XDH: variants seen among roughly 807,000 people sequenced by gnomAD.
XDH encodes the protein xanthine dehydrogenase/oxidase.
Under a neutral mutation model 156.1 loss-of-function variants are expected in XDH, and 138 were observed. That is an observed-to-expected ratio of 0.88 (90% CI 0.77 to 1.02). XDH has a LOEUF of 1.02. XDH is among the 50% of genes least tolerant of loss of function. XDH has a pLI of 0.00. For synonymous variants in XDH, 669 were observed against 625.7 expected, an observed-to-expected ratio of 1.07 and a Z score of -1.03; for missense variants, 1,849 against 1,684.9, an observed-to-expected ratio of 1.10 and a Z score of -1.71.
chr2:31,397,271 G>C (rs2148002827), intron 6 of XDH, among the ~76,000 whole-genome samples: 1 of 152,326 alleles, frequency 6.6e-6, no homozygotes, highest in Non-Finnish European at 1.5e-5. Context: ...GAGGGAAGGA[G>C]GAGGGGTGCA....
At chr2:31,381,478 C>T (rs1686434939) in intron 12 of XDH, among the ~76,000 whole-genome samples, 155 bp downstream of exon 12, 1 of 152,174 alleles carries the variant, frequency 6.6e-6, no homozygotes, top group Non-Finnish European at 1.5e-5. Context: ...TCCCGTCCAC[C>T]AAACCAGGTA....
At chr2:31,407,181 C>G (rs1687215737) in intron 1 of XDH, among the ~76,000 whole-genome samples, 1 of 152,170 alleles carries the variant, frequency 6.6e-6, no homozygotes, top group Non-Finnish European at 1.5e-5. Context: ...AGGGAGCTTG[C>G]TTTGTGCTAC....
At chr2:31,350,368 CTTTTTTTTTT>C (rs35646405) in intron 24 of XDH, 145 bp from the exon 25 acceptor site, 9 of 259,934 alleles carry the variant, frequency 3.5e-5, no homozygotes, top group Non-Finnish European at 6.0e-5. Flanking sequence ...GCAGCAGCAT[CTTTTTTTTTT>C]TTTTTTTTTT....
chr2:31,371,688 A>C (rs1333968697), intron 17 of XDH, among the ~76,000 whole-genome samples: 1 of 151,702 alleles, frequency 6.6e-6, no homozygotes, highest in Non-Finnish European at 1.5e-5. Context: ...TTTTGTTTTC[A>C]GGGACCTGGA....
At chr2:31,373,983 C>T in intron 15 of XDH, 27 bp from the exon 16 acceptor site, 1 of 1,601,646 alleles carries the variant, frequency 6.2e-7, no homozygotes. Context: ...ACAGAGGTGA[C>T]CAGGATTATA....
rs1190535705 is a variant in XDH, at chr2:31,368,598, T to A, written c.2043A>T (p.Arg681Ser). ...AGGTGATTTTCACCCCTTGGGCAGC[T>A]CTCTGTGTGTGTTCCGGGGTGTCAG... Reference protein sequence around the residue: ...VVADTPEHTQRAAQGVKITYE... With the variant: ...VVADTPEHTQSAAQGVKITYE... Residue 681 changes from arginine to serine, a missense_variant, in exon 19 of 36, where the codon AGA becomes AGT. Arg to Ser is a moderately radical substitution (Grantham distance 110). Transcript: ENST00000379416. 5 of 1,614,166 alleles carry A rather than the reference T, an allele frequency of 3.1e-6. No individual in the cohort carries two copies. The highest frequency in any genetic ancestry group is 4.2e-6 in the Non-Finnish European group (5 of 1,180,008).
Position 31,349,807 on chromosome 2 carries a change from C to A in XDH, c.2848G>T (p.Glu950Ter), listed in dbSNP as rs1464944452. The stretch of plus-strand genomic sequence containing the variant: ...TGGTTGAAGTGTGTCAGGTCCCCTT[C>A]TTTGTACAGGTTTTTTCTCCGCACC... ...EEVRRKNLYK[E>*]GDLTHFNQKL... is the part of the protein sequence containing the mutation. The change falls in exon 26 of 36, where the codon GAA becomes TAA. Residue 950 changes from glutamate to a stop codon, truncating the protein, a stop_gained. Coordinates refer to ENST00000379416, the MANE Select transcript of XDH (RefSeq NM_000379.4). LOFTEE classifies it high-confidence loss of function. 1 of 1,614,026 alleles carries A rather than the reference C, an allele frequency of 6.2e-7. No individual in the cohort carries two copies. Among genetic ancestry groups the A allele is most frequent in the Non-Finnish European group, 8.5e-7 (1 of 1,180,044 alleles).
intron 14 of XDH, among the ~76,000 whole-genome samples, chr2:31,376,232 T>C (rs1261766216): frequency 6.6e-6 from 1 of 151,040 alleles, no homozygotes; most frequent in African/African-American, 2.4e-5. Flanking sequence ...GTTGCAGTAG[T>C]GGTAACAAGA....
chr2:31,369,039 G>C (rs45514101), intron 18 of XDH, among the ~76,000 whole-genome samples: 1 of 152,124 alleles, frequency 6.6e-6, no homozygotes, highest in Admixed American at 6.6e-5. Context: ...AGAAGGCAAG[G>C]CCACATTTGG....
chr2:31,349,043 G>C, intron 26 of XDH, 63 bp from the exon 27 acceptor site: 2 of 1,479,584 alleles, frequency 1.4e-6, no homozygotes, highest in Middle Eastern at 1.9e-4. Flanking sequence ...GAATATCTTT[G>C]GATGTTCACA....
rs759867295 is a variant in XDH, at chr2:31,401,337, C to T, written c.198-9G>A. On this transcript the variant is annotated splice_polypyrimidine_tract_variant and intron_variant, in intron 3 of 35. Transcript: ENST00000379416. ...CATTGGCAGAAAAGTGGCTAGAACC[C>T]CAGATTAAGGTCATTCCATTTATTG... 1 of 1,613,750 alleles carries T rather than the reference C, an allele frequency of 6.2e-7. No homozygotes were observed. Among genetic ancestry groups the T allele is most frequent in the Non-Finnish European group, 8.5e-7 (1 of 1,179,906 alleles).
At chr2:31,411,050 C>T (rs571957268) in intron 1 of XDH, among the ~76,000 whole-genome samples, 4 of 151,948 alleles carry the variant, frequency 2.6e-5, no homozygotes, top group African/African-American at 7.2e-5. Flanking sequence ...TTTGGGAGGC[C>T]GAGGTGGGTG....
chr2:31,346,935 A>T (rs967810792), intron 29 of XDH, 92 bp from the exon 30 acceptor site: 4 of 1,532,156 alleles, frequency 2.6e-6, no homozygotes, highest in Non-Finnish European at 3.6e-6. Context: ...GGCTACCTCC[A>T]AGCAATGCTG....
Position 31,379,867 on chromosome 2 carries a change from C to T in XDH, c.1242G>A (p.Glu414=). 6.2e-7 allele frequency: 1 copy of T among 1,614,058 alleles called. No homozygotes were observed. The highest frequency in any genetic ancestry group is 8.5e-7 in the Non-Finnish European group (1 of 1,179,904). Residue 414 remains glutamate, a splice_region_variant and synonymous_variant, in exon 13 of 36, where the codon GAG becomes GAA. Coordinates refer to ENST00000379416, the MANE Select transcript of XDH (RefSeq NM_000379.4). ...LLSIEIPYSR[E]GEYFSAFKQA... ...CCTGGAACCACTTCCAACATCTCAC[C>T]TCCCTGCTGTAGGGGATCTCTATGG...
At chr2:31,360,490 G>C (rs1018075155) in intron 24 of XDH, among the ~76,000 whole-genome samples, 1 of 152,118 alleles carries the variant, frequency 6.6e-6, no homozygotes, top group Non-Finnish European at 1.5e-5. Context: ...GACAGAGTGA[G>C]ACTCCATCTC....
chr2:31,353,947 T>C (rs910290820), intron 24 of XDH, among the ~76,000 whole-genome samples: 2 of 152,146 alleles, frequency 1.3e-5, no homozygotes, highest in Admixed American at 6.5e-5. Context: ...CACCTTATGA[T>C]GGAGTCACTG....
intron 6 of XDH, among the ~76,000 whole-genome samples, 167 bp from the exon 7 acceptor site, chr2:31,388,462 C>T (rs1686676558): frequency 6.6e-6 from 1 of 152,238 alleles, no homozygotes; most frequent in Non-Finnish European, 1.5e-5. Flanking sequence ...GCCTCCGCTA[C>T]ATTCCCTCTT....
At chr2:31,382,660 G>C (rs45539541) in intron 11 of XDH, among the ~76,000 whole-genome samples, 2,900 of 152,248 alleles carry the variant, frequency 0.019, 35 homozygotes, top group Middle Eastern at 0.048. Flanking sequence ...TTCACCTACT[G>C]TTTGGCTCAG....
At chr2:31,379,172 A>C (rs2148778421) in intron 13 of XDH, among the ~76,000 whole-genome samples, 1 of 152,240 alleles carries the variant, frequency 6.6e-6, no homozygotes, top group South Asian at 2.1e-4. Flanking sequence ...AAAGACCCAC[A>C]CCAGGTCAAG....
Sources: gnomAD v4.1 joint callset for allele counts (sites outside exome capture counted in the v4.1 genomes callset) on GRCh38, gnomAD v4.1.1 for gene constraint, MANE v1.5 for transcripts, NCBI Gene and HGNC (gene_info 2026-07-23, HGNC 2026-07-21) for gene names.